MICAL2: variants seen among roughly 807,000 people sequenced by gnomAD.
The protein encoded by MICAL2 is microtubule associated monooxygenase, calponin and LIM domain containing 2, also known as [F-actin]-monooxygenase MICAL2.
In MICAL2, 77 loss-of-function variants were observed where a neutral mutation model predicts 127.3. That is an observed-to-expected ratio of 0.60 (90% CI 0.50 to 0.73). The LOEUF (loss-of-function observed/expected upper bound fraction) is 0.73, where lower values mean the gene tolerates loss of function less well. MICAL2 is among the 30% of genes least tolerant of loss of function. The pLI is 0.00. For missense variants in MICAL2, 1,351 were observed against 1,434.4 expected, an observed-to-expected ratio of 0.94 and a Z score of 0.94; for synonymous variants, 570 against 551.1, an observed-to-expected ratio of 1.03 and a Z score of -0.48.
In MICAL2 at chr11:12,249,185, A is replaced by G. The variant is rs766121646; in HGVS notation, c.2786A>G (p.Glu929Gly). ...TVDSASPARK[E>G]KKSPSGFHFH... ...ATGTTGATCCCTCTCTTTCTAAAGG[A>G]AAAGAAGTCACCTTCAGGGTTCCAT... is the stretch of plus-strand genomic sequence containing the variant. The change falls in exon 22 of 28, where the codon GAA (glutamate) becomes GGA (glycine). Residue 929 changes from glutamate to glycine, a missense_variant and splice_region_variant. By Grantham distance (98) the Glu-to-Gly change is moderately conservative. Around this residue, in one of 2 missense-constraint regions of MICAL2, gnomAD observed 752 missense variants for 719.4 expected, o/e 1.05. Transcript: ENST00000683283. 9.9e-6 allele frequency: 16 copies of G among 1,613,728 alleles called. No individual in the cohort carries two copies. The Admixed American group carries it at 1.2e-4, about 12-fold the overall frequency.
At chr11:12,348,683 G>A (rs1171826477) in intron 32 of MICAL2, among the ~76,000 whole-genome samples, 1 of 152,204 alleles carries the variant, frequency 6.6e-6, no homozygotes, top group Non-Finnish European at 1.5e-5. Context: ...ATACATAGCA[G>A]TGAAGATTGT....
At chr11:12,176,471 C>CT (rs1180429774) in intron 3 of MICAL2, among the ~76,000 whole-genome samples, 11 of 152,180 alleles carry the variant, frequency 7.2e-5, no homozygotes, top group African/African-American at 2.7e-4. Context: ...ATCCCCTTGC[C>CT]TTTTGTGACA....
chr11:12,171,961 A>G (rs1856316955), intron 3 of MICAL2, among the ~76,000 whole-genome samples: 1 of 152,152 alleles, frequency 6.6e-6, no homozygotes, highest in Non-Finnish European at 1.5e-5. Flanking sequence ...CTTTTTGTAT[A>G]TTACATTTTT....
intron 4 of MICAL2, among the ~76,000 whole-genome samples, chr11:12,205,317 C>T (rs917149160): frequency 3.3e-5 from 5 of 152,140 alleles, no homozygotes; most frequent in Admixed American, 6.5e-5. Context: ...GTTTTATATG[C>T]AGTTGACGCT....
At chr11:12,136,942 A>C (rs1483558604) in intron 1 of MICAL2, among the ~76,000 whole-genome samples, 2 of 152,170 alleles carry the variant, frequency 1.3e-5, no homozygotes, top group African/African-American at 4.8e-5. Context: ...TCTAGAGAGC[A>C]TGGCGGGGTC....
chr11:12,298,831 G>A, intron 29 of MICAL2, among the ~76,000 whole-genome samples: 1 of 152,058 alleles, frequency 6.6e-6, no homozygotes, highest in South Asian at 2.1e-4. Flanking sequence ...TTGCATTGCT[G>A]AGATAAATAC....
rs1257063378 is a variant in MICAL2, at chr11:12,255,669, A to G, written c.2874A>G (p.Gly958=). ...TGACGGTAGGGAAAGTGTCCAGCGG[A>G]ATAGGGGCTGCAGCTGAAGTCCTGG... is the stretch of plus-strand genomic sequence containing the variant. ...PQLTVGKVSS[G]IGAAAEVLVN... is the part of the protein sequence containing the mutation. Residue 958 remains glycine, a synonymous_variant, in exon 23 of 28, where the codon GGA becomes GGG. Transcript: ENST00000683283. 6.2e-6 allele frequency: 10 copies of G among 1,613,754 alleles called. No individual in the cohort carries two copies. The highest frequency in any genetic ancestry group is 7.6e-6 in the Non-Finnish European group (9 of 1,179,984).
intron 29 of MICAL2, among the ~76,000 whole-genome samples, chr11:12,319,421 A>G (rs558248340): frequency 2.0e-5 from 3 of 149,168 alleles, no homozygotes; most frequent in South Asian, 4.3e-4. Context: ...GAATTAATTG[A>G]TTTCTGCATA....
At chr11:12,261,465 C>T (rs1863102090) in intron 26 of MICAL2, 3 of 985,512 alleles carry the variant, frequency 3.0e-6, no homozygotes, top group Non-Finnish European at 3.6e-6. Flanking sequence ...CTCCCTACTC[C>T]ACGCTGCCTA....
chr11:12,272,075 G>A (rs968923508), upstream of MICAL2, among the ~76,000 whole-genome samples: 2 of 152,304 alleles, frequency 1.3e-5, no homozygotes, highest in Non-Finnish European at 2.9e-5. Flanking sequence ...GCTGAGCCCT[G>A]GCCTGTTCCA....
At chr11:12,248,409 C>T (rs1330349123) in intron 21 of MICAL2, among the ~76,000 whole-genome samples, 1 of 152,202 alleles carries the variant, frequency 6.6e-6, no homozygotes, top group Non-Finnish European at 1.5e-5. Flanking sequence ...CCGTTAGTTA[C>T]TTTCGCTCTT....
intron 4 of MICAL2, 114 bp downstream of exon 4, chr11:12,204,571 C>A: frequency 9.8e-7 from 1 of 1,023,666 alleles, no homozygotes; most frequent in Non-Finnish European, 1.4e-6. Context: ...CTGGGGGCAC[C>A]ATATATCAGA....
intron 1 of MICAL2, among the ~76,000 whole-genome samples, chr11:12,120,854 G>A (rs1230181087): frequency 1.3e-5 from 2 of 152,188 alleles, no homozygotes; most frequent in African/African-American, 2.4e-5. Context: ...GATAGTCAGA[G>A]TCATCCTTCA....
intron 15 of MICAL2, among the ~76,000 whole-genome samples, chr11:12,227,560 C>T (rs1039144104): frequency 3.3e-5 from 5 of 152,180 alleles, no homozygotes; most frequent in African/African-American, 1.2e-4. Context: ...TATTTATTCA[C>T]TCATTCAACA....
chr11:12,308,791 T>C (rs1864140935), intron 29 of MICAL2, among the ~76,000 whole-genome samples: 1 of 152,232 alleles, frequency 6.6e-6, no homozygotes, highest in African/African-American at 2.4e-5. Flanking sequence ...GGTGATAGTG[T>C]ACACCATTGT....
chr11:12,259,695 C>A, intron 25 of MICAL2, 100 bp from the exon 26 acceptor site: 1 of 1,073,598 alleles, frequency 9.3e-7, no homozygotes, highest in Non-Finnish European at 1.3e-6. Context: ...GGGCTGGTTG[C>A]AGGGTCTGGC....
intron 16 of MICAL2, among the ~76,000 whole-genome samples, chr11:12,238,446 C>T (rs191517638): frequency 3.9e-5 from 6 of 152,300 alleles, no homozygotes; most frequent in East Asian, 3.9e-4. Context: ...TCATGCAGCC[C>T]GCTGTACTGG....
intron 33 of MICAL2, chr11:12,354,775 CT>C: frequency 6.2e-7 from 1 of 1,613,276 alleles, no homozygotes; most frequent in Non-Finnish European, 8.5e-7. Flanking sequence ...TGAACATTTT[CT>C]CACCCAGGGC....
chr11:12,193,641 T>A (rs1010297802), intron 3 of MICAL2, among the ~76,000 whole-genome samples: 2 of 152,044 alleles, frequency 1.3e-5, no homozygotes, highest in African/African-American at 4.8e-5. Context: ...AATGCAGGAG[T>A]CACACCTGGC....
Sources: allele counts gnomAD v4.1 joint callset (sites outside exome capture counted in the v4.1 genomes callset), GRCh38; gene constraint gnomAD v4.1.1; regional missense constraint gnomAD v4.1.1; transcripts MANE v1.5; gene names NCBI Gene and HGNC (gene_info 2026-07-23, HGNC 2026-07-21).